Variants in ZNF264 observed in about 807,000 individuals in gnomAD.
The protein encoded by ZNF264 is zinc finger protein 264.
In ZNF264, 11 loss-of-function variants were observed where a neutral mutation model predicts 11.2. That is an observed-to-expected ratio of 0.98 (90% confidence interval 0.62 to 1.63). The LOEUF (loss-of-function observed/expected upper bound fraction) is 1.63, where lower values mean the gene tolerates loss of function less well. ZNF264 is among the 40% of genes most tolerant of loss of function. The pLI, the probability that ZNF264 is intolerant of heterozygous loss-of-function variation, is 0.00. For synonymous variants in ZNF264, 309 were observed against 279.8 expected, an observed-to-expected ratio of 1.10 and a Z score of -1.04; for missense variants, 752 against 768.1, an observed-to-expected ratio of 0.98 and a Z score of 0.25.
chr19:57,193,406 A>G (rs905274986), intron 1 of ZNF264: 2 of 641,810 alleles, frequency 3.1e-6, no homozygotes. Flanking sequence ...GAGAAATGAA[A>G]TGCTGTCTTT....
At position 57,213,671 on chromosome 19, in the gene ZNF264, T is replaced by C. The variant is rs763485396; in HGVS notation, c.*690T>C. On this transcript the variant is annotated 3_prime_UTR_variant, in exon 4 of 4. Transcript: ENST00000263095. ...GATTCTTCTTTGCTCTTATTTAAAA[T>C]CGACAGCATTTCTAGTTCCTTTGAC... The C allele has an allele frequency of 3.9e-5, 6 of 152,218 alleles. No individual in the cohort carries two copies. The South Asian group carries it at 6.2e-4, about 16-fold the overall frequency. 9.4% of individuals were successfully genotyped at this position (152,218 alleles called of 1,614,324 possible).
intron 2 of ZNF264, chr19:57,194,778 A>T (rs947605296): frequency 5.0e-5 from 20 of 399,972 alleles, no homozygotes; most frequent in Non-Finnish European, 8.0e-5. Flanking sequence ...GCACCTTTAC[A>T]GACACACCCA....
At chr19:57,204,915 G>GT (rs1418763421) in intron 2 of ZNF264, among the ~76,000 whole-genome samples, 2 of 152,118 alleles carry the variant, frequency 1.3e-5, no homozygotes, top group African/African-American at 4.8e-5. Flanking sequence ...CCATTCACCA[G>GT]TTCTGTGCTC....
rs2087426803 is a variant in ZNF264 at position 57,222,624 on chromosome 19, T to C, written c.*9643T>C. ...ATGAATATATATATATGGCTATAAG[T>C]GGTGCGACTTGCAGGTACTCCCTTT... On this transcript the variant is annotated 3_prime_UTR_variant, in exon 4 of 4. Transcript: ENST00000263095. The C allele has an allele frequency of 6.6e-6, 1 of 152,000 alleles. No homozygotes were observed. Among genetic ancestry groups the C allele is most frequent in the Non-Finnish European group, 1.5e-5 (1 of 68,024 alleles). 9.4% of individuals were successfully genotyped at this position (152,000 alleles called of 1,614,324 possible). A position where few individuals can be genotyped will look rare whatever the true frequency, so the allele number is the denominator to read the frequency against.
intron 3 of ZNF264, among the ~76,000 whole-genome samples, chr19:57,207,829 C>T (rs1438434129): frequency 6.6e-6 from 1 of 151,966 alleles, no homozygotes; most frequent in Non-Finnish European, 1.5e-5. Context: ...CAGGTTCAAG[C>T]GATTCTCCTG....
At chr19:57,210,200 G>A (rs994039869) in intron 3 of ZNF264, among the ~76,000 whole-genome samples, 9 of 151,832 alleles carry the variant, frequency 5.9e-5, no homozygotes, top group Admixed American at 2.6e-4. Context: ...TCTCTTTATG[G>A]CAACTCTTCT....
intron 2 of ZNF264, 126 bp from the exon 3 acceptor site, chr19:57,205,271 C>A: frequency 1.2e-6 from 1 of 826,026 alleles, no homozygotes; most frequent in Non-Finnish European, 1.9e-6. Context: ...GCCAGCTTTT[C>A]ATTCCCATGC....
intron 2 of ZNF264, among the ~76,000 whole-genome samples, chr19:57,203,548 CTTG>C (rs978251837): frequency 4.0e-5 from 6 of 151,820 alleles, no homozygotes; most frequent in African/African-American, 1.2e-4. Context: ...TTTTGTTGTT[CTTG>C]TTGTTGTTTT....
Position 57,220,188 on chromosome 19 carries a change from G to A in ZNF264, c.*7207G>A, listed in dbSNP as rs924889229. The A allele has an allele frequency of 6.6e-6, 1 of 152,168 alleles. No homozygotes were observed. The highest frequency in any genetic ancestry group is 6.5e-5 in the Admixed American group (1 of 15,276). 9.4% of individuals were successfully genotyped at this position (152,168 alleles called of 1,614,324 possible). A position where few individuals can be genotyped will look rare whatever the true frequency, so the allele number is the denominator to read the frequency against. The stretch of plus-strand genomic sequence containing the variant: ...TAACCACTTTATTGCTTCTCATGTT[G>A]GGGGGTTTGTTTTCTGGTCACTATT... On this transcript the variant is annotated 3_prime_UTR_variant, in exon 4 of 4. Coordinates refer to ENST00000263095, the MANE Select transcript of ZNF264 (RefSeq NM_003417.5).
chr19:57,204,265 T>A (rs186438847), intron 2 of ZNF264, among the ~76,000 whole-genome samples: 16 of 152,116 alleles, frequency 1.1e-4, no homozygotes, highest in Admixed American at 5.9e-4. Context: ...TGACTGACCT[T>A]GTCTGTTCCT....
chr19:57,204,719 G>T (rs2087279035), intron 2 of ZNF264, among the ~76,000 whole-genome samples: 1 of 152,160 alleles, frequency 6.6e-6, no homozygotes, highest in South Asian at 2.1e-4. Context: ...AACAGCACCT[G>T]GGAGACCACG....
rs779805190 is a variant in ZNF264 at position 57,212,377 on chromosome 19, T to A, written c.1280T>A (p.Phe427Tyr). The change falls in exon 4 of 4, where the codon TTC becomes TAC. Residue 427 changes from phenylalanine to tyrosine, a missense_variant. Transcript: ENST00000263095. The part of the protein sequence containing the change: ...HQRIHTGEKP[F>Y]VCSECGKAFT... ...CGGATTCACACTGGGGAGAAGCCCTTCGTGTGCAGTGAATGTGGAAAGGCC... is the reference window on the plus strand; with the variant it reads ...CGGATTCACACTGGGGAGAAGCCCTACGTGTGCAGTGAATGTGGAAAGGCC... The A allele has an allele frequency of 1.7e-5, 28 of 1,610,088 alleles. No homozygotes were observed. The highest frequency in any genetic ancestry group is 1.7e-4 in the Middle Eastern group (1 of 6,026).
At chr19:57,194,123 C>T (rs1029437310) in intron 2 of ZNF264, 122 bp downstream of exon 2, 2 of 1,386,726 alleles carry the variant, frequency 1.4e-6, no homozygotes, top group East Asian at 4.9e-5. Context: ...TTTCCCACAG[C>T]TTTAGTCATT....
chr19:57,218,564 A>C lies in ZNF264; in HGVS notation c.*5583A>C, dbSNP rs2087396253. The stretch of plus-strand genomic sequence containing the variant: ...CTATTATTTCTTCAAATATTTTTTC[A>C]CCCCCCAGTCTTGTCTTTTTTAGGG... On this transcript the variant is annotated 3_prime_UTR_variant, in exon 4 of 4. Coordinates refer to ENST00000263095, the MANE Select transcript of ZNF264 (RefSeq NM_003417.5). 6.6e-6 allele frequency: 1 copy of C among 151,768 alleles called. No homozygotes were observed. Among genetic ancestry groups the C allele is most frequent in the Admixed American group, 6.6e-5 (1 of 15,224 alleles). 9.4% of individuals were successfully genotyped at this position (151,768 alleles called of 1,614,324 possible). A position where few individuals can be genotyped will look rare whatever the true frequency, so the allele number is the denominator to read the frequency against.
At position 57,200,690 on chromosome 19, in the gene ZNF264, C is replaced by T. The variant is rs114891993; in HGVS notation, c.161-4707C>T. On this transcript the variant is annotated intron_variant, in intron 2 of 3. Coordinates refer to ENST00000263095, the MANE Select transcript of ZNF264 (RefSeq NM_003417.5). ...AATACAGTGGCACAATCTCGGCTCACTGCCTTTGCCTCCTAGGTTCAAGCA... is the reference window on the plus strand; with the variant it reads ...AATACAGTGGCACAATCTCGGCTCATTGCCTTTGCCTCCTAGGTTCAAGCA... Among the ~76,000 whole-genome samples, 390 of 152,000 alleles carry T rather than the reference C, an allele frequency of 2.6e-3. 12 individuals carry two copies. Among genetic ancestry groups the T allele is most frequent in the African/African-American group, 9.2e-3 (378 of 41,284 alleles).
At position 57,222,406 on chromosome 19, in the gene ZNF264, G is replaced by T. The variant is rs1286987959; in HGVS notation, c.*9425G>T. ...GTTAAGAGGAAAAAGCAAATCCTAA[G>T]TTACAGTGGAACTTATGAACACCCT... On this transcript the variant is annotated 3_prime_UTR_variant, in exon 4 of 4. Coordinates refer to ENST00000263095, the MANE Select transcript of ZNF264 (RefSeq NM_003417.5). The T allele has an allele frequency of 3.3e-5, 5 of 149,666 alleles. No individual in the cohort carries two copies. The highest frequency in any genetic ancestry group is 7.4e-5 in the Non-Finnish European group (5 of 67,650). 9.3% of individuals were successfully genotyped at this position (149,666 alleles called of 1,614,324 possible). A position where few individuals can be genotyped will look rare whatever the true frequency, so the allele number is the denominator to read the frequency against.
chr19:57,192,017 G>T, intron 1 of ZNF264, 71 bp downstream of exon 1: 1 of 1,374,944 alleles, frequency 7.3e-7, no homozygotes. Flanking sequence ...GTGGGTGGGA[G>T]CCCAGGTATC....
chr19:57,191,828 C>A lies in ZNF264; in HGVS notation c.-86C>A. ...CCCGAGCGCGCCTGGAAGCCCCGGG[C>A]AACCGGCCAGGGTCGGGCACAGGTG... On this transcript the variant is annotated 5_prime_UTR_variant, in exon 1 of 4. Coordinates refer to ENST00000263095, the MANE Select transcript of ZNF264 (RefSeq NM_003417.5). 1 of 1,135,686 alleles carries A rather than the reference C, an allele frequency of 8.8e-7. No homozygotes were observed. Among genetic ancestry groups the A allele is most frequent in the Non-Finnish European group, 1.1e-6 (1 of 893,754 alleles). 70.4% of individuals were successfully genotyped at this position (1,135,686 alleles called of 1,614,324 possible).
rs1307965589 is a variant in ZNF264, at chr19:57,219,574, C to G, written c.*6593C>G. 2 of 152,262 alleles carry G rather than the reference C, an allele frequency of 1.3e-5. No homozygotes were observed. Among genetic ancestry groups the G allele is most frequent in the Non-Finnish European group, 2.9e-5 (2 of 68,066 alleles). The allele number at this position is 152,262 out of a possible 1,614,324, so 9.4% of individuals were successfully genotyped here. A position where few individuals can be genotyped will look rare whatever the true frequency, so the allele number is the denominator to read the frequency against. ...ACTTCCTTGTTAGAACTTTGTGCTG[C>G]TGACCACCACTCTGAACCAAAACTT... On this transcript the variant is annotated 3_prime_UTR_variant, in exon 4 of 4. Coordinates refer to ENST00000263095, the MANE Select transcript of ZNF264 (RefSeq NM_003417.5).
Sources: allele counts gnomAD v4.1 joint callset (sites outside exome capture counted in the v4.1 genomes callset), GRCh38; gene constraint gnomAD v4.1.1; transcripts MANE v1.5; gene names NCBI Gene and HGNC (gene_info 2026-07-23, HGNC 2026-07-21).